The following DLG2 variants were observed in gnomAD, a reference collection of about 807,000 sequenced individuals.
DLG2 encodes the protein discs large MAGUK scaffold protein 2, also known as disks large homolog 2.
In DLG2, 45 loss-of-function variants were observed where a neutral mutation model predicts 132.5. That is an observed-to-expected ratio of 0.34 (90% CI 0.27 to 0.44). The LOEUF (loss-of-function observed/expected upper bound fraction) is 0.44, where lower values mean the gene tolerates loss of function less well. Ranked by LOEUF, DLG2 falls within the 20% of genes least tolerant of loss-of-function variation. The probability of loss-of-function intolerance (pLI) is 1.00; values close to 1 mark genes in which losing one functional copy is unlikely to be tolerated. For missense variants in DLG2, 1,045 were observed against 1,196.9 expected (o/e 0.87, Z 1.87); for synonymous variants, 424 against 419.6 (o/e 1.01, Z -0.13).
Position 83,712,816 on chromosome 11 carries a change from G to A in DLG2, c.1825+73874C>T, listed in dbSNP as rs1198907411. Among the ~76,000 whole-genome samples the A allele has an allele frequency of 2.0e-5, 3 of 152,004 alleles. No individual in the cohort carries two copies. The East Asian group carries it at 5.8e-4, about 29-fold the overall frequency. ...ACACACACTGGGGGCTGTCAGTGGGGACAGGGGCACGGAGAGCATCAGGAA... is the reference window on the plus strand; with the variant it reads ...ACACACACTGGGGGCTGTCAGTGGGAACAGGGGCACGGAGAGCATCAGGAA... On this transcript the variant is annotated intron_variant, in intron 18 of 27. Transcript: ENST00000376104.
chr11:85,147,555 A>G (rs1272226047), intron 5 of DLG2, among the ~76,000 whole-genome samples: 1 of 152,176 alleles, frequency 6.6e-6, no homozygotes, highest in East Asian at 1.9e-4. Context: ...CTAATATATG[A>G]CTTGCAAATA....
chr11:83,950,787 C>A (rs73509832), intron 14 of DLG2, among the ~76,000 whole-genome samples: 3,723 of 152,118 alleles, frequency 0.024, 136 homozygotes, highest in African/African-American at 0.084. Context: ...TCTCAGTCAC[C>A]CCCTGGAAGA....
intron 21 of DLG2, among the ~76,000 whole-genome samples, chr11:83,523,958 G>A (rs1252025216): frequency 6.6e-6 from 1 of 152,148 alleles, no homozygotes; most frequent in East Asian, 1.9e-4. Context: ...GTATGCAAAT[G>A]CACACAGGGC....
intron 3 of DLG2, among the ~76,000 whole-genome samples, chr11:85,290,071 T>C (rs189642000): frequency 6.6e-6 from 1 of 152,128 alleles, no homozygotes; most frequent in East Asian, 1.9e-4. Context: ...AAGCACACAA[T>C]GAATTCTTGG....
In DLG2 at chr11:84,744,469, G is replaced by A. The variant is rs574695136; in HGVS notation, c.358-209738C>T. On this transcript the variant is annotated intron_variant, in intron 6 of 27. Transcript: ENST00000376104. ...CTGACAAAAATGTAAACTCCTGTGT[G>A]AATACAGCTTTTCAGGAAGAACTCT... Among the ~76,000 whole-genome samples, 10 of 152,254 alleles carry A rather than the reference G, an allele frequency of 6.6e-5. No individual in the cohort carries two copies. The East Asian group carries it at 1.5e-3, about 24-fold the overall frequency.
intron 8 of DLG2, among the ~76,000 whole-genome samples, chr11:84,201,013 T>C (rs1276676781): frequency 6.6e-6 from 1 of 152,172 alleles, no homozygotes; most frequent in East Asian, 1.9e-4. Flanking sequence ...AGGGCATCCT[T>C]GTCTTGTGCC....
intron 6 of DLG2, among the ~76,000 whole-genome samples, chr11:84,699,820 G>C (rs999019225): frequency 2.0e-5 from 3 of 151,560 alleles, no homozygotes; most frequent in Non-Finnish European, 4.4e-5. Context: ...ATAGCTTCCA[G>C]AATTCAAGAA....
chr11:84,610,807 C>T (rs572621491), intron 6 of DLG2, among the ~76,000 whole-genome samples: 1 of 152,222 alleles, frequency 6.6e-6, no homozygotes, highest in Non-Finnish European at 1.5e-5. Flanking sequence ...AGACCAGCAT[C>T]CCAGTCATAC....
intron 15 of DLG2, among the ~76,000 whole-genome samples, chr11:83,890,788 T>C (rs892342044): frequency 1.3e-5 from 2 of 152,130 alleles, no homozygotes; most frequent in Non-Finnish European, 2.9e-5. Flanking sequence ...TGTCTCTAAA[T>C]GCTGACCTGA....
intron 19 of DLG2, among the ~76,000 whole-genome samples, chr11:83,575,449 A>G (rs1037875464): frequency 1.3e-5 from 2 of 152,196 alleles, no homozygotes; most frequent in African/African-American, 4.8e-5. Flanking sequence ...AGAGTATCAG[A>G]AGAGAGCTGC....
At chr11:84,793,420 G>T (rs985798692) in intron 6 of DLG2, among the ~76,000 whole-genome samples, 2 of 152,174 alleles carry the variant, frequency 1.3e-5, no homozygotes, top group African/African-American at 4.8e-5. Context: ...AGGTCCATTT[G>T]TCCTAAAGTG....
At chr11:84,844,169 A>G (rs1208958414) in intron 6 of DLG2, among the ~76,000 whole-genome samples, 5 of 131,082 alleles carry the variant, frequency 3.8e-5, no homozygotes, top group Admixed American at 1.6e-4. Context: ...ATATATATAT[A>G]TATGTATCTC....
intron 3 of DLG2, among the ~76,000 whole-genome samples, chr11:85,421,938 T>C (rs531717931): frequency 6.6e-6 from 1 of 152,302 alleles, no homozygotes; most frequent in African/African-American, 2.4e-5. Context: ...CTTTCCTTCA[T>C]ATATAAAGCT....
intron 6 of DLG2, among the ~76,000 whole-genome samples, chr11:84,576,038 C>T (rs755933454): frequency 2.0e-5 from 3 of 152,144 alleles, no homozygotes; most frequent in Admixed American, 6.6e-5. Context: ...ATGGCTCACT[C>T]GCCTTTCTTT....
At chr11:85,197,278 T>C (rs2081141611) in intron 4 of DLG2, among the ~76,000 whole-genome samples, 1 of 152,190 alleles carries the variant, frequency 6.6e-6, no homozygotes, top group South Asian at 2.1e-4. Flanking sequence ...AGAGTTCTGT[T>C]TTTTTCTTGA....
intron 4 of DLG2, among the ~76,000 whole-genome samples, chr11:85,264,059 G>C (rs531124919): frequency 1.3e-5 from 2 of 152,252 alleles, no homozygotes; most frequent in East Asian, 3.9e-4. Context: ...TGTAGAGCAA[G>C]GTATTTGGGA....
intron 6 of DLG2, among the ~76,000 whole-genome samples, chr11:84,837,316 T>C (rs892216521): frequency 2.6e-5 from 4 of 151,832 alleles, no homozygotes; most frequent in African/African-American, 9.7e-5. Flanking sequence ...AAGTGAAGAA[T>C]AACTGTAAAT....
chr11:84,462,091 C>A (rs1248046042), intron 7 of DLG2, among the ~76,000 whole-genome samples: 1 of 150,954 alleles, frequency 6.6e-6, no homozygotes, highest in Non-Finnish European at 1.5e-5. Context: ...AAAGACTGAA[C>A]TAAATGATCC....
chr11:84,181,293 G>A (rs984689507), intron 8 of DLG2, among the ~76,000 whole-genome samples: 4 of 151,700 alleles, frequency 2.6e-5, no homozygotes, highest in African/African-American at 9.7e-5. Flanking sequence ...AACTTGGATT[G>A]GTTGTAAATG....
Sources: allele counts gnomAD v4.1 joint callset (sites outside exome capture counted in the v4.1 genomes callset), GRCh38; gene constraint gnomAD v4.1.1; transcripts MANE v1.5; gene names NCBI Gene and HGNC (gene_info 2026-07-23, HGNC 2026-07-21).